The following TRIP11 variants were observed in gnomAD, a reference collection of about 807,000 sequenced individuals.
The protein encoded by TRIP11 is thyroid hormone receptor interactor 11.
In TRIP11, 148 loss-of-function variants were observed where a neutral mutation model predicts 223.1. The ratio of observed to expected loss-of-function variants is 0.66; its 90% CI spans 0.58 to 0.76. The LOEUF (loss-of-function observed/expected upper bound fraction) is 0.76. TRIP11 is among the 30% of genes least tolerant of loss of function. TRIP11 has a pLI of 0.00. For missense variants in TRIP11, 2,043 were observed against 2,222.0 expected (o/e 0.92, Z 1.62); for synonymous variants, 762 against 772.6 (o/e 0.99, Z 0.23).
chr14:92,006,491 T>A, intron 10 of TRIP11, 43 bp from the exon 11 acceptor site: 1 of 1,600,708 alleles, frequency 6.2e-7, no homozygotes, highest in Non-Finnish European at 8.5e-7. Context: ...CATGTTCTCA[T>A]TTTAGTACTC....
At chr14:91,984,135 C>T (rs1162950264) in intron 16 of TRIP11, among the ~76,000 whole-genome samples, 1 of 151,990 alleles carries the variant, frequency 6.6e-6, no homozygotes. Flanking sequence ...CTTTCAGATA[C>T]AGGTATAAAC....
intron 16 of TRIP11, among the ~76,000 whole-genome samples, chr14:91,980,627 C>T (rs560993902): frequency 3.9e-5 from 6 of 152,212 alleles, no homozygotes; most frequent in African/African-American, 1.4e-4. Context: ...TTCAATCTAG[C>T]CTGAATCAGT....
chr14:92,007,682 A>C lies in TRIP11; in HGVS notation c.1485T>G (p.Ala495=). 2 of 1,613,474 alleles carry C rather than the reference A, an allele frequency of 1.2e-6. No individual in the cohort carries two copies. Among genetic ancestry groups the C allele is most frequent in the Non-Finnish European group, 1.7e-6 (2 of 1,179,888 alleles). ...TCTGTCTGTCCAATTCTTCTATCTC[A>C]GCTATCAGTGTTTCCTTTTCACTAA... ...QSISEKETLI[A]EIEELDRQNQ... The change falls in exon 10 of 21, where the codon GCT becomes GCG. Residue 495 remains alanine, a synonymous_variant. Transcript: ENST00000267622.
In TRIP11 at chr14:92,014,485, T is replaced by G; in HGVS notation, c.916A>C (p.Lys306Gln). 1 of 1,596,408 alleles carries G rather than the reference T, an allele frequency of 6.3e-7. No homozygotes were observed. The change falls in exon 7 of 21, where the codon AAA becomes CAA. Residue 306 changes from lysine (K) to glutamine (Q), a missense_variant. Lys to Gln is a moderately conservative substitution (Grantham distance 53). Coordinates refer to ENST00000267622, the MANE Select transcript of TRIP11 (RefSeq NM_004239.4). ...TTATCCTCAAGTTGTTCCATTTTTT[T>G]GGTAGACTCCACTTTTTCTATTTGT... The part of the protein sequence containing the change: ...VLQIEKVEST[K>Q]KMEQLEDKIK...
rs576528179 is a variant in TRIP11, at chr14:92,023,359, G to C, written c.313-1528C>G. On this transcript the variant is annotated intron_variant, in intron 3 of 20. Transcript: ENST00000267622. ...CATAAATGTAATGAGATATCTTGGG[G>C]ATGGGACCCATGTCTAAACACAAAA... Among the ~76,000 whole-genome samples, 8 of 152,318 alleles carry C rather than the reference G, an allele frequency of 5.3e-5. No homozygotes were observed. In the East Asian group the frequency reaches 1.5e-3, roughly 29 times the overall value.
intron 15 of TRIP11, among the ~76,000 whole-genome samples, chr14:91,988,747 T>G (rs1427326585): frequency 6.6e-6 from 1 of 151,706 alleles, no homozygotes; most frequent in Non-Finnish European, 1.5e-5. Flanking sequence ...TCTAATAAAG[T>G]GATGTTGATT....
At position 91,987,657 on chromosome 14, in the gene TRIP11, C is replaced by T. The variant is rs74592575; in HGVS notation, c.5260+627G>A. 3.0e-3 allele frequency among the ~76,000 whole-genome samples: 451 copies of T among 152,232 alleles called. 4 individuals carry two copies. Among genetic ancestry groups the T allele is most frequent in the African/African-American group, 0.01 (427 of 41,524 alleles). ...TAGAATAGTTTTGACTTCCTGGTTG[C>T]CTCTAAATCAGAGATGAAATGAGGA... On this transcript the variant is annotated intron_variant, in intron 16 of 20. Transcript: ENST00000267622.
chr14:92,040,029 A>T lies in TRIP11; in HGVS notation c.-344T>A. 1 of 426,108 alleles carries T rather than the reference A, an allele frequency of 2.3e-6. No homozygotes were observed. Among genetic ancestry groups the T allele is most frequent in the Non-Finnish European group, 4.4e-6 (1 of 228,096 alleles). 26.4% of individuals were successfully genotyped at this position (426,108 alleles called of 1,614,324 possible). ...TCCTGCCAACTCGACGCCGGCCGCC[A>T]TGACACTCGCTCGGAAAGCGGCAGC... On this transcript the variant is annotated 5_prime_UTR_variant, in exon 1 of 21. It removes an upstream start codon present in the reference 5' UTR. Transcript: ENST00000267622.
chr14:92,035,585 A>ATTTATTTT (rs1555389786), intron 1 of TRIP11, among the ~76,000 whole-genome samples: 1 of 137,992 alleles, frequency 7.2e-6, no homozygotes, highest in African/African-American at 2.7e-5. Context: ...TTATTTATTT[A>ATTTATTTT]TTTTTTTTTT....
chr14:91,988,633 T>TAAAAAAAAAAA (rs749287959), intron 15 of TRIP11, among the ~76,000 whole-genome samples: 2 of 99,516 alleles, frequency 2.0e-5, no homozygotes, highest in African/African-American at 3.7e-5. Context: ...ATGACAGAAG[T>TAAAAAAAAAAA]AAAAAAAAAA....
rs771459106 is a variant in TRIP11 at position 91,999,378 on chromosome 14, C to T, written c.4754G>A (p.Arg1585His). 147 of 1,613,772 alleles carry T rather than the reference C, an allele frequency of 9.1e-5. No homozygotes were observed. The highest frequency in any genetic ancestry group is 6.7e-5 in the Non-Finnish European group (79 of 1,179,918). ...ATCTTCTGATTCTAAAAGATGATTACGCAATCTCTCTAGCTCTTGGTTTGA... is the reference window on the plus strand; with the variant it reads ...ATCTTCTGATTCTAAAAGATGATTATGCAATCTCTCTAGCTCTTGGTTTGA... Reference protein sequence around the residue: ...FRSNQELERLRNHLLESEDSY... With the variant: ...FRSNQELERLHNHLLESEDSY... Residue 1585 changes from arginine (R) to histidine (H), a missense_variant, in exon 13 of 21, where the codon CGT becomes CAT. Arg to His is a conservative substitution (Grantham distance 29). Coordinates refer to ENST00000267622, the MANE Select transcript of TRIP11 (RefSeq NM_004239.4).
chr14:91,972,802 T>C lies in TRIP11; in HGVS notation c.5634A>G (p.Pro1878=), dbSNP rs2056415312. The C allele has an allele frequency of 1.2e-6, 2 of 1,613,258 alleles. No individual in the cohort carries two copies. The highest frequency in any genetic ancestry group is 2.2e-5 in the South Asian group (2 of 91,014). ...LETESHPSIP[P]PKLSVHDMKP... ...TCATATCATGAACAGAAAGCTTTGGTGGTGGAATGGATGGATGAGATTCTG... is the reference window on the plus strand; with the variant it reads ...TCATATCATGAACAGAAAGCTTTGGCGGTGGAATGGATGGATGAGATTCTG... The change falls in exon 20 of 21, where the codon CCA becomes CCG. Residue 1878 remains proline (P), a synonymous_variant. Transcript: ENST00000267622.
At chr14:92,018,838 G>A (rs971990536) in intron 4 of TRIP11, among the ~76,000 whole-genome samples, 2 of 151,234 alleles carry the variant, frequency 1.3e-5, no homozygotes, top group Non-Finnish European at 2.9e-5. Context: ...GCGGGTGCCC[G>A]TAGTCCCAGC....
At chr14:92,022,127 G>A (rs569316205) in intron 3 of TRIP11, among the ~76,000 whole-genome samples, 2 of 152,204 alleles carry the variant, frequency 1.3e-5, no homozygotes, top group East Asian at 3.8e-4. Context: ...TCTCTGCATG[G>A]AGTAGTATAG....
At chr14:92,039,116 C>T (rs72707309) in intron 1 of TRIP11, among the ~76,000 whole-genome samples, 71 of 152,198 alleles carry the variant, frequency 4.7e-4, no homozygotes, top group Admixed American at 1.0e-3. Context: ...CAAAACTCAC[C>T]AAGTGTTTAA....
chr14:92,002,956 C>A (rs2056846074), intron 11 of TRIP11, among the ~76,000 whole-genome samples: 2 of 152,108 alleles, frequency 1.3e-5, no homozygotes, highest in African/African-American at 4.8e-5. Flanking sequence ...CAGTTAGACA[C>A]ACACGCACAC....
Position 91,993,923 on chromosome 14 carries a change from A to T in TRIP11, c.5057-11T>A. 1 of 1,600,300 alleles carries T rather than the reference A, an allele frequency of 6.2e-7. No individual in the cohort carries two copies. Among genetic ancestry groups the T allele is most frequent in the South Asian group, 1.1e-5 (1 of 90,658 alleles). ...ACATAGCTTTTTCCTCTAAAGAGAA[A>T]AGAAAGTTAACATTAGTATTTTGCA... On this transcript the variant is annotated splice_polypyrimidine_tract_variant and intron_variant, in intron 14 of 20. Coordinates refer to ENST00000267622, the MANE Select transcript of TRIP11 (RefSeq NM_004239.4).
At position 92,005,344 on chromosome 14, in the gene TRIP11, G is replaced by A. The variant is rs773366507; in HGVS notation, c.2632C>T (p.Arg878Ter). ...TTAGGGTCAGCCACAGGTGCGGTTCGACTCTGCTCTTCCCTGAGTCGTTCC... is the reference window on the plus strand; with the variant it reads ...TTAGGGTCAGCCACAGGTGCGGTTCAACTCTGCTCTTCCCTGAGTCGTTCC... Reference protein sequence around the residue: ...ELERLREEQSRTAPVADPKTL... With the variant: ...ELERLREEQS The change falls in exon 11 of 21, where the codon CGA (arginine) becomes TGA (stop). Residue 878 changes from arginine (R) to a stop codon, truncating the protein, a stop_gained. Coordinates refer to ENST00000267622, the MANE Select transcript of TRIP11 (RefSeq NM_004239.4). LOFTEE classifies it high-confidence loss of function. 1.9e-6 allele frequency: 3 copies of A among 1,614,146 alleles called. No homozygotes were observed. Among genetic ancestry groups the A allele is most frequent in the South Asian group, 2.2e-5 (2 of 91,064 alleles).
rs770000933 is a variant in TRIP11 at position 92,011,740 on chromosome 14, T to C, written c.1227+15A>G. The C allele has an allele frequency of 5.0e-6, 8 of 1,608,964 alleles. No homozygotes were observed. The Admixed American group carries it at 1.2e-4, about 23-fold the overall frequency. ...ACTGTCTCTATGCACATAACATTTG[T>C]CAAAATTAATTTACCTGGTTTAAAC... On this transcript the variant is annotated intron_variant, in intron 8 of 20. Transcript: ENST00000267622.
Sources: gnomAD v4.1 joint callset for allele counts (sites outside exome capture counted in the v4.1 genomes callset) on GRCh38, gnomAD v4.1.1 for gene constraint, MANE v1.5 for transcripts, NCBI Gene and HGNC (gene_info 2026-07-23, HGNC 2026-07-21) for gene names.